SULF1: variants seen among roughly 807,000 people sequenced by gnomAD.
SULF1 encodes extracellular sulfatase Sulf-1.
SULF1 carries 46 observed loss-of-function variants against 110.5 expected under a neutral mutation model. The ratio of observed to expected loss-of-function variants is 0.42; its 90% confidence interval spans 0.33 to 0.53. The LOEUF is 0.53. Ranked by LOEUF, SULF1 falls within the 20% of genes least tolerant of loss-of-function variation. The pLI is 0.12. For synonymous variants in SULF1, 371 were observed against 387.1 expected (o/e 0.96, Z 0.49); for missense variants, 941 against 1,094.2 (o/e 0.86, Z 1.98).
rs959004958 is a variant in SULF1 at position 69,564,425 on chromosome 8, T to C, written c.172+278T>C. ...CACTGAAGACTGTAGAAGGAAAGGA[T>C]TGAAAGCCCTCAGTTAAGACATTGT... On this transcript the variant is annotated intron_variant, in intron 5 of 22. Transcript: ENST00000402687. Among the ~76,000 whole-genome samples the C allele has an allele frequency of 5.3e-5, 8 of 152,188 alleles. No individual in the cohort carries two copies. The East Asian group carries it at 7.7e-4, about 15-fold the overall frequency.
chr8:69,627,808 G>C lies in SULF1; in HGVS notation c.1984G>C (p.Glu662Gln). 6.2e-7 allele frequency: 1 copy of C among 1,613,216 alleles called. No homozygotes were observed. Among genetic ancestry groups the C allele is most frequent in the Middle Eastern group, 1.6e-4 (1 of 6,062 alleles). Residue 662 changes from glutamate (E) to glutamine (Q), a missense_variant, in exon 17 of 23, where the codon GAA becomes CAA. Glu to Gln is a conservative substitution (Grantham distance 29, BLOSUM62 2). This residue lies in a region of SULF1 where 822 missense variants were observed against 934.3 expected (regional missense o/e 0.88). Transcript: ENST00000402687. Reference protein sequence around the residue: ...ALQDKIKNLREVRGHLKRRKP... With the variant: ...ALQDKIKNLRQVRGHLKRRKP... Reference sequence around the variant, plus strand: ...GCAAGATAAAATTAAGAATTTAAGAGAAGTGAGAGGACATCTGAAGAGAAG... The same window carrying C: ...GCAAGATAAAATTAAGAATTTAAGACAAGTGAGAGGACATCTGAAGAGAAG...
intron 2 of SULF1, 73 bp from the exon 3 acceptor site, chr8:69,501,801 G>T (rs1460882721): frequency 6.6e-6 from 1 of 152,148 alleles, no homozygotes; most frequent in South Asian, 2.1e-4. Context: ...GCTGTGAAAG[G>T]GCAACATCTG....
At position 69,660,008 on chromosome 8, in the gene SULF1, C is replaced by T. The variant is rs1397733244; in HGVS notation, c.*1473C>T. 2 of 152,538 alleles carry T rather than the reference C, an allele frequency of 1.3e-5. No homozygotes were observed. Among genetic ancestry groups the T allele is most frequent in the Non-Finnish European group, 2.9e-5 (2 of 68,024 alleles). 9.4% of individuals were successfully genotyped at this position (152,538 alleles called of 1,614,324 possible). ...TTGCTAAAATCGATTAGCAGAAAGG[C>T]ATGGCTAATAATGTTGGTGGTGAAA... On this transcript the variant is annotated 3_prime_UTR_variant, in exon 23 of 23. Transcript: ENST00000402687.
intron 1 of SULF1, among the ~76,000 whole-genome samples, chr8:69,476,776 G>A (rs373918143): frequency 3.3e-5 from 5 of 152,312 alleles, no homozygotes; most frequent in African/African-American, 1.2e-4. Context: ...ATTGACATGA[G>A]CCAGTTTATA....
chr8:69,586,489 A>G lies in SULF1; in HGVS notation c.545A>G (p.His182Arg), dbSNP rs1402240007. The G allele has an allele frequency of 1.9e-6, 3 of 1,610,594 alleles. No individual in the cohort carries two copies. Among genetic ancestry groups the G allele is most frequent in the Non-Finnish European group, 2.5e-6 (3 of 1,179,412 alleles). The change falls in exon 7 of 23, where the codon CAT becomes CGT. Residue 182 changes from histidine (H) to arginine (R), a missense_variant. His to Arg is a conservative substitution (Grantham distance 29, BLOSUM62 0). Around this residue, in one of 3 missense-constraint regions of SULF1, gnomAD observed 822 missense variants for 934.3 expected, o/e 0.88. Coordinates refer to ENST00000402687, the MANE Select transcript of SULF1 (RefSeq NM_001128205.2). ...TVCRNGIKEK[H>R]GFDYAKDYFT... Reference sequence around the variant, plus strand: ...TGTCGCAATGGCATCAAAGAAAAGCATGGATTTGATTATGCAAAGGTAATT... The same window carrying G: ...TGTCGCAATGGCATCAAAGAAAAGCGTGGATTTGATTATGCAAAGGTAATT...
intron 22 of SULF1, among the ~76,000 whole-genome samples, chr8:69,649,479 GT>G (rs1193258952): frequency 6.6e-6 from 1 of 152,152 alleles, no homozygotes; most frequent in African/African-American, 2.4e-5. Context: ...GTTAACAATT[GT>G]CCCAATAATG....
At chr8:69,584,238 G>C (rs1273744777) in intron 6 of SULF1, among the ~76,000 whole-genome samples, 2 of 152,198 alleles carry the variant, frequency 1.3e-5, no homozygotes, top group African/African-American at 4.8e-5. Flanking sequence ...ATGAGCATCT[G>C]TGAGGGGTGG....
intron 3 of SULF1, among the ~76,000 whole-genome samples, chr8:69,555,222 A>C (rs1815029854): frequency 6.6e-6 from 1 of 152,164 alleles, no homozygotes; most frequent in Non-Finnish European, 1.5e-5. Context: ...ACTGTTTCCC[A>C]GAGCTTTCTT....
At chr8:69,495,010 A>G (rs1810237679) in intron 1 of SULF1, among the ~76,000 whole-genome samples, 2 of 152,126 alleles carry the variant, frequency 1.3e-5, no homozygotes, top group Admixed American at 1.3e-4. Context: ...AACATTCTTG[A>G]CTCAGGGCTG....
intron 13 of SULF1, among the ~76,000 whole-genome samples, 165 bp from the exon 14 acceptor site, chr8:69,620,870 G>A (rs1809541822): frequency 6.6e-6 from 1 of 152,142 alleles, no homozygotes. Flanking sequence ...TGAGAGTCGA[G>A]TTAGTGCAGG....
At chr8:69,629,372 T>C (rs1810344345) in intron 18 of SULF1, 132 bp from the exon 19 acceptor site, 4 of 926,154 alleles carry the variant, frequency 4.3e-6, no homozygotes, top group Admixed American at 3.0e-5. Flanking sequence ...AGTCCCTCTA[T>C]ACAAAATGAA....
At chr8:69,570,513 A>G (rs1805149958) in intron 5 of SULF1, among the ~76,000 whole-genome samples, 1 of 152,184 alleles carries the variant, frequency 6.6e-6, no homozygotes, top group Non-Finnish European at 1.5e-5. Context: ...TTAGGGGGAC[A>G]TTTTCTCCGA....
intron 6 of SULF1, 92 bp from the exon 7 acceptor site, chr8:69,586,265 C>T: frequency 6.7e-6 from 9 of 1,340,026 alleles, no homozygotes; most frequent in East Asian, 5.3e-5. Context: ...TTTGTTTTAC[C>T]GTCTCTTTTT....
chr8:69,565,893 G>A (rs932726064), intron 5 of SULF1, among the ~76,000 whole-genome samples: 2 of 151,536 alleles, frequency 1.3e-5, no homozygotes, highest in South Asian at 2.1e-4. Flanking sequence ...CACCCCCCTC[G>A]CCTCTATCCA....
intron 6 of SULF1, among the ~76,000 whole-genome samples, chr8:69,585,021 C>T (rs1445125713): frequency 1.3e-5 from 2 of 152,140 alleles, no homozygotes; most frequent in Non-Finnish European, 1.5e-5. Context: ...TGGATATAAG[C>T]GAGGGCACCT....
intron 22 of SULF1, among the ~76,000 whole-genome samples, chr8:69,644,542 G>A (rs531882873): frequency 1.3e-5 from 2 of 152,150 alleles, no homozygotes; most frequent in Non-Finnish European, 2.9e-5. Context: ...TTGGGAGGCC[G>A]AGGCAGGCAG....
intron 22 of SULF1, among the ~76,000 whole-genome samples, chr8:69,656,111 GAT>G (rs1812710660): frequency 6.6e-6 from 1 of 150,402 alleles, no homozygotes; most frequent in African/African-American, 2.4e-5. Flanking sequence ...ATCTGGACTG[GAT>G]ATGAGATGCT....
In SULF1 at chr8:69,640,163, A is replaced by AG. The variant is rs1554597246; in HGVS notation, c.2552-645_2552-644insG. On this transcript the variant is annotated intron_variant, in intron 21 of 22. Coordinates refer to ENST00000402687, the MANE Select transcript of SULF1 (RefSeq NM_001128205.2). ...GGAAGGAAGGAAAGAAAGAAAGAAA[A>AG]AAAGAAAGAAAGAAAGAGAAAAGAA... is the stretch of plus-strand genomic sequence containing the variant. 4.0e-5 allele frequency among the ~76,000 whole-genome samples: 6 copies of AG among 149,938 alleles called. No individual in the cohort carries two copies. In the South Asian group the frequency reaches 6.3e-4, roughly 16 times the overall value.
upstream of SULF1, among the ~76,000 whole-genome samples, chr8:69,488,308 G>C (rs577574888): frequency 6.6e-6 from 1 of 152,342 alleles, no homozygotes. Flanking sequence ...AATGCAGTTA[G>C]CAAAGATTTA....
Sources: allele counts gnomAD v4.1 joint callset (sites outside exome capture counted in the v4.1 genomes callset), GRCh38; gene constraint gnomAD v4.1.1; regional missense constraint gnomAD v4.1.1; transcripts MANE v1.5; gene names NCBI Gene and HGNC (gene_info 2026-07-23, HGNC 2026-07-21).